PMM2: variants seen among roughly 807,000 people sequenced by gnomAD.
PMM2 encodes mannose-6-phosphate isomerase.
In PMM2, 35 loss-of-function variants were observed where a neutral mutation model predicts 33.2. The ratio of observed to expected loss-of-function variants is 1.06; its 90% CI spans 0.81 to 1.40. The LOEUF (loss-of-function observed/expected upper bound fraction) is 1.40, where lower values mean the gene tolerates loss of function less well. Among genes scored for constraint, PMM2 ranks in the 40% most tolerant of loss-of-function variants. The pLI, the probability that PMM2 is intolerant of heterozygous loss-of-function variation, is 0.00. For synonymous variants in PMM2, 153 were observed against 114.7 expected (o/e 1.33, Z -2.13); for missense variants, 386 against 306.0 (o/e 1.26, Z -1.95).
chr16:8,823,858 G>A (rs1210879485), intron 7 of PMM2, among the ~76,000 whole-genome samples: 1 of 151,720 alleles, frequency 6.6e-6, no homozygotes, highest in African/African-American at 2.4e-5. Flanking sequence ...GCTTTTCCAA[G>A]GGACTTCTAT....
At chr16:8,832,872 A>G (rs2060819146) in intron 7 of PMM2, 1 of 985,248 alleles carries the variant, frequency 1.0e-6, no homozygotes, top group Non-Finnish European at 1.2e-6. Context: ...CACGTCCCTC[A>G]GATGCCAGGG....
chr16:8,806,368 G>C lies in PMM2; in HGVS notation c.308G>C (p.Cys103Ser). Reference sequence around the variant, plus strand: ...CTAATCCAAGATTTAATCAACTACTGTCTGAGCTACATTGCGAAAATTAAA... The same window carrying C: ...CTAATCCAAGATTTAATCAACTACTCTCTGAGCTACATTGCGAAAATTAAA... The part of the protein sequence containing the change: ...EALIQDLINY[C>S]LSYIAKIKLP... Residue 103 changes from cysteine (C) to serine (S), a missense_variant, in exon 4 of 8, where the codon TGT (cysteine) becomes TCT (serine). By Grantham distance (112) the Cys-to-Ser change is moderately radical (BLOSUM62 -1). Transcript: ENST00000268261. The C allele has an allele frequency of 1.2e-6, 2 of 1,613,534 alleles. No individual in the cohort carries two copies. The highest frequency in any genetic ancestry group is 1.1e-5 in the South Asian group (1 of 91,082).
At chr16:8,829,343 C>T (rs573444667) in intron 7 of PMM2, 2 of 152,416 alleles carry the variant, frequency 1.3e-5, no homozygotes, top group East Asian at 3.9e-4. Context: ...AACGGAGCAG[C>T]TCTTGATGAC....
At chr16:8,835,469 G>A (rs1320712808) in intron 7 of PMM2, among the ~76,000 whole-genome samples, 1 of 151,980 alleles carries the variant, frequency 6.6e-6, no homozygotes. Context: ...GCAAAGAGAC[G>A]CTGGGATGAA....
chr16:8,800,600 A>ATCT lies in PMM2; in HGVS notation c.67-1197_67-1195dup, dbSNP rs199625388. Among the ~76,000 whole-genome samples, 209 of 151,534 alleles carry ATCT rather than the reference A, an allele frequency of 1.4e-3. 7 individuals carry two copies. The East Asian group carries it at 0.034, about 24-fold the overall frequency. ...TTAGAAGAGACTAAAAAATCTAGTT[A>ATCT]TCTTACTCTTTTACATTTTTGTTTT... On this transcript the variant is annotated intron_variant, in intron 1 of 7. Coordinates refer to ENST00000268261, the MANE Select transcript of PMM2 (RefSeq NM_000303.3).
intron 2 of PMM2, among the ~76,000 whole-genome samples, chr16:8,804,025 T>TG (rs1285648736): frequency 0.011 from 182 of 16,070 alleles, no homozygotes; most frequent in African/African-American, 0.025. Flanking sequence ...TTTTTGGGTT[T>TG]TTTTTGTTTT....
chr16:8,812,650 C>T (rs761578032), intron 6 of PMM2, among the ~76,000 whole-genome samples: 2 of 152,166 alleles, frequency 1.3e-5, no homozygotes, highest in African/African-American at 4.8e-5. Flanking sequence ...TGTTAAAGCC[C>T]GAGACAAGCA....
chr16:8,845,915 C>T (rs1220575476), intron 7 of PMM2, among the ~76,000 whole-genome samples: 2 of 151,738 alleles, frequency 1.3e-5, no homozygotes, highest in African/African-American at 4.8e-5. Context: ...CCAGCCTGGG[C>T]AACATAGCAA....
At chr16:8,845,968 C>T (rs2060923303) in intron 7 of PMM2, among the ~76,000 whole-genome samples, 1 of 152,088 alleles carries the variant, frequency 6.6e-6, no homozygotes, top group Admixed American at 6.6e-5. Context: ...TCAGAATTAC[C>T]AGAACTGATT....
At chr16:8,814,822 A>G (rs1596490814) in intron 7 of PMM2, among the ~76,000 whole-genome samples, 1 of 152,118 alleles carries the variant, frequency 6.6e-6, no homozygotes. Context: ...TTTTGTTGCT[A>G]TTGTTATAAG....
At position 8,811,099 on chromosome 16, in the gene PMM2, G is replaced by T. The variant is rs141498002; in HGVS notation, c.368G>T (p.Arg123Leu). Residue 123 changes from arginine (R) to leucine (L), a missense_variant, in exon 5 of 8, where the codon CGA becomes CTA. Coordinates refer to ENST00000268261, the MANE Select transcript of PMM2 (RefSeq NM_000303.3). ...CCCAGGGGTACTTTCATTGAATTCCGAAATGGGATGTTAAACGTGTCCCCT... is the reference window on the plus strand; with the variant it reads ...CCCAGGGGTACTTTCATTGAATTCCTAAATGGGATGTTAAACGTGTCCCCT... ...PKKRGTFIEF[R>L]NGMLNVSPIG... The T allele has an allele frequency of 1.3e-6, 2 of 1,571,128 alleles. No homozygotes were observed. Among genetic ancestry groups the T allele is most frequent in the African/African-American group, 2.7e-5 (2 of 74,010 alleles).
chr16:8,834,755 G>C (rs529280366), intron 7 of PMM2, among the ~76,000 whole-genome samples: 1 of 152,116 alleles, frequency 6.6e-6, no homozygotes, highest in Non-Finnish European at 1.5e-5. Context: ...GCTATGTGGC[G>C]ATTAGGCCTG....
Position 8,801,923 on chromosome 16 carries a change from T to A in PMM2, c.178+13T>A. 6.6e-7 allele frequency: 1 copy of A among 1,507,378 alleles called. No individual in the cohort carries two copies. The allele number at this position is 1,507,378 out of a possible 1,614,324, so 93.4% of individuals were successfully genotyped here. On this transcript the variant is annotated intron_variant, in intron 2 of 7. Transcript: ENST00000268261. ...CTGGGAAATGATGGTAAATGATGGG[T>A]TGCTAATTACATCTGGTAAAAGATT... is the stretch of plus-strand genomic sequence containing the variant.
intron 7 of PMM2, among the ~76,000 whole-genome samples, chr16:8,817,769 A>C (rs1163764409): frequency 6.6e-6 from 1 of 152,216 alleles, no homozygotes; most frequent in Non-Finnish European, 1.5e-5. Context: ...AGTCACCTAT[A>C]ATCATCCAAC....
chr16:8,804,877 A>T, intron 3 of PMM2, 34 bp downstream of exon 3: 1 of 1,339,786 alleles, frequency 7.5e-7, no homozygotes, highest in Non-Finnish European at 1.1e-6. Flanking sequence ...ACTATATACT[A>T]TTAAAAGTGT....
At position 8,832,732 on chromosome 16, in the gene PMM2, G is replaced by A. The variant is rs571228677; in HGVS notation, c.640-14992G>A. ...AATCTGATCATGGCCCGGGCTTGCA[G>A]GCTTCAGGCGGCTACCCGTGAAATC... On this transcript the variant is annotated intron_variant, in intron 7 of 7. Transcript: ENST00000268261. 84 of 985,334 alleles carry A rather than the reference G, an allele frequency of 8.5e-5. No homozygotes were observed. In the African/African-American group the frequency reaches 1.4e-3, roughly 16 times the overall value. The allele number at this position is 985,334 out of a possible 1,614,324, so 61.0% of individuals were successfully genotyped here.
At chr16:8,806,195 A>G in intron 3 of PMM2, 121 bp from the exon 4 acceptor site, 1 of 736,196 alleles carries the variant, frequency 1.4e-6, no homozygotes, top group Non-Finnish European at 2.5e-6. Context: ...GCATGTCACC[A>G]TCACTGCTAC....
chr16:8,814,963 C>T (rs1423562024), intron 7 of PMM2, among the ~76,000 whole-genome samples: 2 of 152,132 alleles, frequency 1.3e-5, no homozygotes, highest in Admixed American at 6.6e-5. Context: ...AGACATTACA[C>T]CCATTGAACA....
chr16:8,811,394 C>T (rs1322874759), intron 5 of PMM2, among the ~76,000 whole-genome samples: 1 of 152,178 alleles, frequency 6.6e-6, no homozygotes, highest in Non-Finnish European at 1.5e-5. Flanking sequence ...GTGGCACACA[C>T]CTGTGGTCCC....
Sources: gnomAD v4.1 joint callset for allele counts (sites outside exome capture counted in the v4.1 genomes callset) on GRCh38, gnomAD v4.1.1 for gene constraint, MANE v1.5 for transcripts, NCBI Gene and HGNC (gene_info 2026-07-23, HGNC 2026-07-21) for gene names.